ATAD1: variants seen among roughly 807,000 people sequenced by gnomAD.
ATAD1 encodes the protein outer mitochondrial transmembrane helix translocase.
In ATAD1, 18 loss-of-function variants were observed where a neutral mutation model predicts 42.7. The observed-to-expected ratio is 0.42, with a 90% confidence interval of 0.29 to 0.63. The LOEUF (loss-of-function observed/expected upper bound fraction) is 0.63, where lower values mean the gene tolerates loss of function less well. Ranked by LOEUF, ATAD1 falls within the 20% of genes least tolerant of loss-of-function variation. The pLI is 0.19. For missense variants in ATAD1, 294 were observed against 440.4 expected (o/e 0.67, Z 2.98); for synonymous variants, 132 against 143.1 (o/e 0.92, Z 0.55).
chr10:87,768,353 T>A (rs559452843), intron 7 of ATAD1, among the ~76,000 whole-genome samples: 6 of 152,270 alleles, frequency 3.9e-5, no homozygotes, highest in South Asian at 2.1e-4. Context: ...GCTGAATTTA[T>A]CCCTATTCCC....
At chr10:87,785,579 T>C (rs1259057987) in intron 4 of ATAD1, among the ~76,000 whole-genome samples, 3 of 150,920 alleles carry the variant, frequency 2.0e-5, no homozygotes, top group Middle Eastern at 3.4e-3. Flanking sequence ...TGAAACAGTA[T>C]TTTTTAAAAT....
chr10:87,781,199 ATAAAG>A (rs757580165), intron 5 of ATAD1, among the ~76,000 whole-genome samples: 12 of 152,222 alleles, frequency 7.9e-5, no homozygotes, highest in Non-Finnish European at 1.3e-4. Flanking sequence ...AAAAGTCAAC[ATAAAG>A]TAAAATTAGA....
Position 87,814,444 on chromosome 10 carries a change from C to G in ATAD1, c.156G>C (p.Gln52His). ...DPTRKQKVEA[Q>H]KQAEKLMKQI... ...TCAAACATTTCAATCATACCTGTTT[C>G]TGAGCTTCTACTTTTTGCTTTCTGG... The change falls in exon 2 of 10, where the codon CAG becomes CAC. Residue 52 changes from glutamine (Q) to histidine (H), a missense_variant. Physicochemically the swap from Gln to His is conservative, Grantham distance 24 (BLOSUM62 0). Coordinates refer to ENST00000680024, the MANE Select transcript of ATAD1 (RefSeq NM_001321967.2). 2 of 1,589,262 alleles carry G rather than the reference C, an allele frequency of 1.3e-6. No individual in the cohort carries two copies. The highest frequency in any genetic ancestry group is 1.7e-6 in the Non-Finnish European group (2 of 1,168,562).
intron 2 of ATAD1, among the ~76,000 whole-genome samples, chr10:87,793,069 T>C: frequency 6.6e-6 from 1 of 152,196 alleles, no homozygotes; most frequent in South Asian, 2.1e-4. Context: ...TACAGCTTAG[T>C]TTCTCATTCC....
At chr10:87,839,659 C>T (rs1857994250) in intron 1 of ATAD1, among the ~76,000 whole-genome samples, 1 of 152,116 alleles carries the variant, frequency 6.6e-6, no homozygotes, top group African/African-American at 2.4e-5. Context: ...AAGGCAATTT[C>T]ATGTTATGCT....
At chr10:87,794,293 G>A (rs570888428) in intron 2 of ATAD1, among the ~76,000 whole-genome samples, 177 of 152,262 alleles carry the variant, frequency 1.2e-3, no homozygotes, top group African/African-American at 4.2e-3. Context: ...TCTTGCCCCT[G>A]TAAAGTCACT....
upstream of ATAD1, chr10:87,818,271 T>C: frequency 1.0e-6 from 1 of 984,746 alleles, no homozygotes; most frequent in Non-Finnish European, 1.2e-6. Context: ...GCGCACTCCC[T>C]CCCACGGAGC....
upstream of ATAD1, among the ~76,000 whole-genome samples, chr10:87,821,182 G>A (rs1227048766): frequency 6.6e-6 from 1 of 152,048 alleles, no homozygotes; most frequent in Non-Finnish European, 1.5e-5. Context: ...AGTTTGCTCT[G>A]CAATCAAGGT....
intron 5 of ATAD1, among the ~76,000 whole-genome samples, chr10:87,782,699 A>AAATAT: frequency 6.6e-6 from 1 of 152,238 alleles, no homozygotes; most frequent in African/African-American, 2.4e-5. Context: ...GTAAATTAAA[A>AAATAT]GCAAAAAATA....
chr10:87,770,910 G>A (rs2131815380), intron 7 of ATAD1, 42 bp downstream of exon 7: 1 of 1,535,454 alleles, frequency 6.5e-7, no homozygotes, highest in East Asian at 2.3e-5. Context: ...CTATAAAAAG[G>A]TGAGTATTTA....
At chr10:87,764,010 G>A (rs2131780811) in intron 8 of ATAD1, among the ~76,000 whole-genome samples, 1 of 152,180 alleles carries the variant, frequency 6.6e-6, no homozygotes, top group South Asian at 2.1e-4. Context: ...GGGATATATA[G>A]TTCTACCAGA....
chr10:87,754,438 T>A lies in ATAD1; in HGVS notation c.*249A>T, dbSNP rs1048779439. On this transcript the variant is annotated 3_prime_UTR_variant, in exon 10 of 10. Transcript: ENST00000680024. Reference sequence around the variant, plus strand: ...TTAGATTCTATAAGGCTGTACAATATATGGCTGAAAAGGTCAAACACAAGC... The same window carrying A: ...TTAGATTCTATAAGGCTGTACAATAAATGGCTGAAAAGGTCAAACACAAGC... The A allele has an allele frequency of 5.7e-5, 17 of 298,180 alleles. No individual in the cohort carries two copies. The highest frequency in any genetic ancestry group is 4.5e-5 in the Admixed American group (1 of 22,106). 18.5% of individuals were successfully genotyped at this position (298,180 alleles called of 1,614,324 possible). A position where few individuals can be genotyped will look rare whatever the true frequency, so the allele number is the denominator to read the frequency against.
chr10:87,767,749 G>A, intron 7 of ATAD1, 26 bp from the exon 8 acceptor site: 1 of 1,581,956 alleles, frequency 6.3e-7, no homozygotes, highest in South Asian at 1.2e-5. Context: ...TTTCCAGTTA[G>A]CATTTTTATT....
chr10:87,813,125 T>C (rs1229887601), intron 2 of ATAD1, among the ~76,000 whole-genome samples: 1 of 152,208 alleles, frequency 6.6e-6, no homozygotes, highest in Admixed American at 6.5e-5. Context: ...TTAGCATCTA[T>C]ATTTAGCTTT....
At chr10:87,784,851 G>A (rs542055258) in intron 4 of ATAD1, among the ~76,000 whole-genome samples, 181 bp from the exon 5 acceptor site, 74 of 152,284 alleles carry the variant, frequency 4.9e-4, no homozygotes, top group Non-Finnish European at 8.2e-4. Context: ...TAAGCTCAGT[G>A]TCAGTTAAGA....
At chr10:87,794,906 C>T (rs1367009228) in intron 2 of ATAD1, among the ~76,000 whole-genome samples, 1 of 152,180 alleles carries the variant, frequency 6.6e-6, no homozygotes, top group Admixed American at 6.5e-5. Flanking sequence ...CCTGCAACAG[C>T]AGTCCCACTT....
chr10:87,756,657 C>T, intron 9 of ATAD1, 132 bp downstream of exon 9: 4 of 828,930 alleles, frequency 4.8e-6, no homozygotes, highest in Non-Finnish European at 6.8e-6. Flanking sequence ...AATAAAGTTG[C>T]AGGGGGTGAT....
chr10:87,813,085 C>T (rs1214388298), intron 2 of ATAD1, among the ~76,000 whole-genome samples: 1 of 152,084 alleles, frequency 6.6e-6, no homozygotes, highest in Non-Finnish European at 1.5e-5. Flanking sequence ...TAATACTATA[C>T]ACATAATTTT....
upstream of ATAD1, among the ~76,000 whole-genome samples, chr10:87,821,614 C>G (rs1440934275): frequency 6.6e-6 from 1 of 152,144 alleles, no homozygotes; most frequent in Non-Finnish European, 1.5e-5. Context: ...TCCTGGCTCC[C>G]AGTCTTCAGA....
Sources: gnomAD v4.1 joint callset for allele counts (sites outside exome capture counted in the v4.1 genomes callset) on GRCh38, gnomAD v4.1.1 for gene constraint, MANE v1.5 for transcripts, NCBI Gene and HGNC (gene_info 2026-07-23, HGNC 2026-07-21) for gene names.